Variants in SPTA1 observed in about 807,000 individuals in gnomAD.
SPTA1 encodes spectrin alpha chain, erythrocytic 1.
In SPTA1, 177 loss-of-function variants were observed where a neutral mutation model predicts 324.7. That is an observed-to-expected ratio of 0.55 (90% CI 0.48 to 0.62). The LOEUF is 0.62. Ranked by LOEUF, SPTA1 falls within the 20% of genes least tolerant of loss-of-function variation. The pLI is 0.00. For missense variants in SPTA1, 3,162 were observed against 2,883.6 expected (o/e 1.10, Z -2.21); for synonymous variants, 1,195 against 1,041.3 (o/e 1.15, Z -2.84).
chr1:158,623,594 G>T (rs1650065669), intron 42 of SPTA1, among the ~76,000 whole-genome samples: 1 of 152,058 alleles, frequency 6.6e-6, no homozygotes, highest in East Asian at 1.9e-4. Flanking sequence ...TTTATAAGGG[G>T]CTTTTCCCCC....
intron 20 of SPTA1, among the ~76,000 whole-genome samples, chr1:158,655,173 T>C (rs1652742340): frequency 1.3e-5 from 2 of 152,120 alleles, no homozygotes; most frequent in Non-Finnish European, 2.9e-5. Context: ...TGATAATTCT[T>C]CCCACTCCTT....
rs755282450 is a variant in SPTA1, at chr1:158,657,497, C to T, written c.2785G>A (p.Ala929Thr). 3 of 1,613,736 alleles carry T rather than the reference C, an allele frequency of 1.9e-6. No individual in the cohort carries two copies. The highest frequency in any genetic ancestry group is 2.5e-6 in the Non-Finnish European group (3 of 1,179,720). The change falls in exon 19 of 52, where the codon GCT becomes ACT. Residue 929 changes from alanine (A) to threonine (T), a missense_variant. Coordinates refer to ENST00000643759, the MANE Select transcript of SPTA1 (RefSeq NM_003126.4). The stretch of plus-strand genomic sequence containing the variant: ...CTTACCCCAGCTGCTTCTTCATCAG[C>T]ACCATAGTTAGTATTATCTACAATA... ...EPIVDNTNYGADEEAAGALLK... is the reference protein window; with the variant it reads ...EPIVDNTNYGTDEEAAGALLK...
In SPTA1 at chr1:158,685,267, A is replaced by G. The variant is rs1655088600; in HGVS notation, c.105T>C (p.Tyr35=). ...QERRQEVLTR[Y]QSFKERVAER... ...CAGCGACCCGCTCCTTGAAACTTTG[A>G]TACCGAGTCAACACTTCCTGACGCC... is the stretch of plus-strand genomic sequence containing the variant. Residue 35 remains tyrosine (Y), a synonymous_variant, in exon 2 of 52, where the codon TAT becomes TAC. Transcript: ENST00000643759. 1.9e-6 allele frequency: 3 copies of G among 1,613,852 alleles called. No homozygotes were observed. Among genetic ancestry groups the G allele is most frequent in the Non-Finnish European group, 1.7e-6 (2 of 1,179,860 alleles).
At position 158,668,017 on chromosome 1, in the gene SPTA1, C is replaced by G; in HGVS notation, c.1879G>C (p.Glu627Gln). 1.9e-6 allele frequency: 3 copies of G among 1,611,264 alleles called. No individual in the cohort carries two copies. Among genetic ancestry groups the G allele is most frequent in the Non-Finnish European group, 2.5e-6 (3 of 1,179,476 alleles). ...KSRVQKQQVF[E>Q]KELAVNKTQL... ...GTCTTATTAACTGCCAACTCCTTTT[C>G]AAAGACTTGCTGCTTTTGAACCCTG... The change falls in exon 15 of 52, where the codon GAA (glutamate) becomes CAA (glutamine). Residue 627 changes from glutamate (E) to glutamine (Q), a missense_variant. By Grantham distance (29) the Glu-to-Gln change is conservative (BLOSUM62 2). Transcript: ENST00000643759.
chr1:158,661,773 C>T (rs1459678964), intron 17 of SPTA1, among the ~76,000 whole-genome samples: 1 of 152,190 alleles, frequency 6.6e-6, no homozygotes, highest in Non-Finnish European at 1.5e-5. Context: ...TTGCTAATTT[C>T]TATGGACTTC....
intron 45 of SPTA1, 68 bp from the exon 46 acceptor site, chr1:158,618,124 C>T (rs757260818): frequency 9.1e-5 from 130 of 1,423,036 alleles, no homozygotes; most frequent in Non-Finnish European, 1.2e-4. Flanking sequence ...AAATGGATTA[C>T]TTTAAAGATC....
chr1:158,624,342 A>G (rs1650126712), intron 42 of SPTA1, among the ~76,000 whole-genome samples: 1 of 152,154 alleles, frequency 6.6e-6, no homozygotes, highest in Non-Finnish European at 1.5e-5. Context: ...AGCACCTAGG[A>G]GGGAGGCTGT....
At chr1:158,649,184 C>CTGA (rs1293588705) in intron 25 of SPTA1, among the ~76,000 whole-genome samples, 3 of 152,164 alleles carry the variant, frequency 2.0e-5, no homozygotes, top group African/African-American at 7.2e-5. Flanking sequence ...GTTGAATGAG[C>CTGA]TGATAGTCAA....
At position 158,651,431 on chromosome 1, in the gene SPTA1, T is replaced by C. The variant is rs1230968650; in HGVS notation, c.3413A>G (p.Asn1138Ser). 1 of 1,613,874 alleles carries C rather than the reference T, an allele frequency of 6.2e-7. No homozygotes were observed. Among genetic ancestry groups the C allele is most frequent in the African/African-American group, 1.3e-5 (1 of 75,026 alleles). The change falls in exon 24 of 52, where the codon AAC becomes AGC. Residue 1138 changes from asparagine to serine, a missense_variant. Asn to Ser is a conservative substitution (Grantham distance 46). Coordinates refer to ENST00000643759, the MANE Select transcript of SPTA1 (RefSeq NM_003126.4). ...AAATAGTAGATCATCAGCTACCTTG[T>C]TGATATCCCTTAGCCGAGGCTCATT... ...NTNEPRLRDINKVADDLLFEG... is the reference protein window; with the variant it reads ...NTNEPRLRDISKVADDLLFEG...
intron 25 of SPTA1, among the ~76,000 whole-genome samples, 197 bp downstream of exon 25, chr1:158,649,659 G>A (rs1557957478): frequency 3.3e-5 from 5 of 152,230 alleles, no homozygotes; most frequent in Non-Finnish European, 5.9e-5. Context: ...CTAGGCTTTA[G>A]AAAATTGAAG....
At position 158,626,131 on chromosome 1, in the gene SPTA1, A is replaced by T. The variant is rs746289763; in HGVS notation, c.5910+15T>A. On this transcript the variant is annotated intron_variant, in intron 42 of 51. Coordinates refer to ENST00000643759, the MANE Select transcript of SPTA1 (RefSeq NM_003126.4). ...GAATCAGGTCTTGGGCTTACCTAAC[A>T]TCTATCAATCTCACCTGTTTTGCCA... is the stretch of plus-strand genomic sequence containing the variant. 4 of 1,612,142 alleles carry T rather than the reference A, an allele frequency of 2.5e-6. No individual in the cohort carries two copies. The East Asian group carries it at 6.7e-5, about 27-fold the overall frequency.
At chr1:158,660,115 G>A (rs1022467536) in intron 18 of SPTA1, among the ~76,000 whole-genome samples, 1 of 151,996 alleles carries the variant, frequency 6.6e-6, no homozygotes, top group African/African-American at 2.4e-5. Context: ...ATCTAAAGGA[G>A]ACATAAAGTG....
intron 16 of SPTA1, among the ~76,000 whole-genome samples, chr1:158,663,740 T>G (rs1234682775): frequency 6.6e-6 from 1 of 152,254 alleles, no homozygotes; most frequent in East Asian, 1.9e-4. Flanking sequence ...GACAAATACC[T>G]AATGCATGCA....
intron 20 of SPTA1, among the ~76,000 whole-genome samples, chr1:158,655,660 G>A (rs1652775375): frequency 6.6e-6 from 1 of 152,158 alleles, no homozygotes; most frequent in Admixed American, 6.5e-5. Flanking sequence ...TGAATGTGTG[G>A]ATTAACAACC....
rs1478035735 is a variant in SPTA1, at chr1:158,652,648, C to T, written c.3194G>A (p.Arg1065His). Residue 1065 changes from arginine to histidine, a missense_variant, in exon 23 of 52, where the codon CGC (arginine) becomes CAC (histidine). Arg to His is a conservative substitution (Grantham distance 29, BLOSUM62 0). Coordinates refer to ENST00000643759, the MANE Select transcript of SPTA1 (RefSeq NM_003126.4). ...TTCTTCTGCCCGATCCAAGAGGGAG[C>T]GGTATCTGGATGGAGAATTGGGAAA... ...QRQEQIENQY[R>H]SLLDRAEERR... 3 of 1,613,588 alleles carry T rather than the reference C, an allele frequency of 1.9e-6. No individual in the cohort carries two copies. Among genetic ancestry groups the T allele is most frequent in the East Asian group, 2.2e-5 (1 of 44,856 alleles).
At position 158,611,309 on chromosome 1, in the gene SPTA1, A is replaced by G. The variant is rs1022339517; in HGVS notation, c.7215T>C (p.Ser2405=). The G allele has an allele frequency of 5.0e-5, 81 of 1,613,782 alleles. No homozygotes were observed. The highest frequency in any genetic ancestry group is 6.4e-5 in the Non-Finnish European group (76 of 1,179,846). ...YMDPRGRSHL[S]GYDYVGFTNS... The stretch of plus-strand genomic sequence containing the variant: ...TGGTGAAGCCAACGTAGTCATAGCC[A>G]GAGAGATGGCTTCGACCCCGTGGGT... The change falls in exon 52 of 52, where the codon TCT becomes TCC. Residue 2405 remains serine, a synonymous_variant. Transcript: ENST00000643759.
intron 37 of SPTA1, 148 bp downstream of exon 37, chr1:158,636,493 G>C: frequency 3.2e-6 from 3 of 940,042 alleles, no homozygotes; most frequent in Non-Finnish European, 4.9e-6. Context: ...ATGTGGAAGA[G>C]AAAAGAATAT....
chr1:158,638,361 G>C, intron 35 of SPTA1, 120 bp from the exon 36 acceptor site: 1 of 995,964 alleles, frequency 1.0e-6, no homozygotes, highest in Non-Finnish European at 1.5e-6. Flanking sequence ...TAAAGACATG[G>C]AGTTTGATTA....
intron 49 of SPTA1, 121 bp from the exon 50 acceptor site, chr1:158,613,988 G>A: frequency 8.7e-7 from 1 of 1,155,572 alleles, no homozygotes; most frequent in East Asian, 2.6e-5. Context: ...AAAACTATCA[G>A]AGGACTGAAT....
Sources: gnomAD v4.1 joint callset for allele counts (sites outside exome capture counted in the v4.1 genomes callset) on GRCh38, gnomAD v4.1.1 for gene constraint, MANE v1.5 for transcripts, NCBI Gene and HGNC (gene_info 2026-07-23, HGNC 2026-07-21) for gene names.